SRSF11: variants seen among roughly 807,000 people sequenced by gnomAD.
SRSF11 encodes the protein serine and arginine rich splicing factor 11, also known as serine/arginine-rich splicing factor 11.
Under a neutral mutation model 56.0 loss-of-function variants are expected in SRSF11, and 9 were observed. The ratio of observed to expected loss-of-function variants is 0.16; its 90% CI spans 0.10 to 0.28. The LOEUF (loss-of-function observed/expected upper bound fraction) is 0.28. Ranked by LOEUF, SRSF11 falls within the 10% of genes least tolerant of loss-of-function variation. The pLI, the probability that SRSF11 is intolerant of heterozygous loss-of-function variation, is 1.00. For synonymous variants in SRSF11, 222 were observed against 215.3 expected (o/e 1.03, Z -0.27); for missense variants, 421 against 600.7 (o/e 0.70, Z 3.13).
In SRSF11 at chr1:70,221,750, T is replaced by C. The variant is rs1670676529; in HGVS notation, c.114T>C (p.Thr38=). 6.2e-7 allele frequency: 1 copy of C among 1,614,138 alleles called. No individual in the cohort carries two copies. Among genetic ancestry groups the C allele is most frequent in the Non-Finnish European group, 8.5e-7 (1 of 1,180,008 alleles). Residue 38 remains threonine (T), a synonymous_variant, in exon 1 of 12, where the codon ACT becomes ACC. Transcript: ENST00000370949. ...GCGGCACCGAGGTAATCCAGGTGAC[T>C]AATGTCTCCCCGAGCGCTAGCTCTG... ...GGGGTEVIQV[T]NVSPSASSEQ...
At chr1:70,214,602 AAT>A (rs1669841550) in intron 1 of SRSF11, among the ~76,000 whole-genome samples, 1 of 152,156 alleles carries the variant, frequency 6.6e-6, no homozygotes. Context: ...ATTGAAAGAC[AAT>A]ATATATTAAA....
At position 70,209,740 on chromosome 1, in the gene SRSF11, C is replaced by CCTT. The variant is rs1669373589; in HGVS notation, c.-26+3960_-26+3961insCTT. ...AGCTGGGACTAAAAGCACCTCGCTT[C>CCTT]TTTTTTTTTTTTTTTTTTTTTTTTT... On this transcript the variant is annotated intron_variant, in intron 1 of 12. Coordinates refer to the SRSF11 transcript ENST00000370950. 8.4e-4 allele frequency among the ~76,000 whole-genome samples: 23 copies of CCTT among 27,476 alleles called. 1 individual carries two copies. The highest frequency in any genetic ancestry group is 3.1e-3 in the African/African-American group (21 of 6,830). 18.0% of individuals were successfully genotyped at this position (27,476 alleles called of 152,430 possible).
At chr1:70,231,994 T>C in intron 2 of SRSF11, 1 of 1,525,034 alleles carries the variant, frequency 6.6e-7, no homozygotes, top group Middle Eastern at 1.7e-4. Flanking sequence ...ATCTTGGCAG[T>C]GTTAACAAAA....
intron 1 of SRSF11, among the ~76,000 whole-genome samples, chr1:70,212,690 G>A (rs1182820256): frequency 6.6e-6 from 1 of 152,166 alleles, no homozygotes; most frequent in Non-Finnish European, 1.5e-5. Flanking sequence ...TAACTTAACT[G>A]TTTATAGGGT....
At position 70,221,444 on chromosome 1, in the gene SRSF11, T is replaced by G. The variant is rs1468901279; in HGVS notation, c.-193T>G. ...TTCTCGTGGTCTCGAGCTCGCGCGCTCTCATCCCCTCCCCCGCGGCGTGCG... is the reference window on the plus strand; with the variant it reads ...TTCTCGTGGTCTCGAGCTCGCGCGCGCTCATCCCCTCCCCCGCGGCGTGCG... On this transcript the variant is annotated 5_prime_UTR_variant, in exon 1 of 12. Transcript: ENST00000370949. 1 of 746,672 alleles carries G rather than the reference T, an allele frequency of 1.3e-6. No individual in the cohort carries two copies. Among genetic ancestry groups the G allele is most frequent in the Non-Finnish European group, 2.1e-6 (1 of 471,876 alleles). 46.3% of individuals were successfully genotyped at this position (746,672 alleles called of 1,614,324 possible). A position where few individuals can be genotyped will look rare whatever the true frequency, so the allele number is the denominator to read the frequency against.
intron 1 of SRSF11, among the ~76,000 whole-genome samples, chr1:70,209,915 C>G (rs1225932471): frequency 6.6e-6 from 1 of 151,548 alleles, no homozygotes; most frequent in Non-Finnish European, 1.5e-5. Flanking sequence ...ACATTCTTTT[C>G]TTTTCAGTGA....
chr1:70,220,271 G>A (rs1670408336), upstream of SRSF11, among the ~76,000 whole-genome samples: 1 of 152,234 alleles, frequency 6.6e-6, no homozygotes, highest in African/African-American at 2.4e-5. Context: ...GATAAGATGA[G>A]TGATGTTATT....
chr1:70,207,247 C>T (rs1669131100), intron 1 of SRSF11, among the ~76,000 whole-genome samples: 1 of 152,074 alleles, frequency 6.6e-6, no homozygotes, highest in South Asian at 2.1e-4. Flanking sequence ...AATGAGGTCC[C>T]TGGTCAGCTT....
intron 4 of SRSF11, 77 bp downstream of exon 4, chr1:70,234,865 A>C: frequency 8.1e-7 from 1 of 1,241,040 alleles, no homozygotes; most frequent in Non-Finnish European, 1.1e-6. Flanking sequence ...TTGCATTTCA[A>C]GAGCAGAAGC....
At chr1:70,209,964 T>C (rs1669409891) in intron 1 of SRSF11, among the ~76,000 whole-genome samples, 1 of 152,028 alleles carries the variant, frequency 6.6e-6, no homozygotes, top group African/African-American at 2.4e-5. Flanking sequence ...TAGTTTCAAA[T>C]GTGGCTTTGA....
At chr1:70,222,640 T>C (rs1366383771) in intron 1 of SRSF11, 1 of 152,144 alleles carries the variant, frequency 6.6e-6, no homozygotes, top group East Asian at 1.9e-4. Context: ...AAACAGACAA[T>C]TGGAATAATA....
intron 5 of SRSF11, among the ~76,000 whole-genome samples, chr1:70,236,332 C>CTTT (rs554617176): frequency 1.4e-4 from 19 of 133,856 alleles, no homozygotes; most frequent in South Asian, 2.4e-4. Flanking sequence ...CTTTCTTTTT[C>CTTT]TTTTTTTTTT....
intron 6 of SRSF11, 22 bp downstream of exon 6, chr1:70,237,574 T>C (rs1216786392): frequency 6.2e-7 from 1 of 1,606,182 alleles, no homozygotes; most frequent in Admixed American, 1.7e-5. Context: ...TTATGCAATT[T>C]TGTTGTGTGA....
intron 2 of SRSF11, chr1:70,229,918 T>C: frequency 1.0e-6 from 1 of 985,428 alleles, no homozygotes; most frequent in Non-Finnish European, 1.2e-6. Context: ...TTTGAGTTAG[T>C]GTGTTTTGGT....
At chr1:70,237,886 T>C (rs186050186) in intron 6 of SRSF11, among the ~76,000 whole-genome samples, 1 of 152,238 alleles carries the variant, frequency 6.6e-6, no homozygotes, top group African/African-American at 2.4e-5. Context: ...ATTTATGTTT[T>C]TCTAAGTTGG....
In SRSF11 at chr1:70,243,278, A is replaced by G. The variant is rs151256687; in HGVS notation, c.801-1406A>G. ...CCACATATAGGAAAACTCAGTCCTGACTATACATGGGTTCCTCATCCTTCA... is the reference window on the plus strand; with the variant it reads ...CCACATATAGGAAAACTCAGTCCTGGCTATACATGGGTTCCTCATCCTTCA... On this transcript the variant is annotated intron_variant, in intron 7 of 11. Transcript: ENST00000370949. Among the ~76,000 whole-genome samples the G allele has an allele frequency of 5.8e-3, 790 of 136,930 alleles. 8 individuals are homozygous for G. Among genetic ancestry groups the G allele is most frequent in the Non-Finnish European group, 6.0e-3 (390 of 65,460 alleles). The allele number at this position is 136,930 out of a possible 152,430, so 89.8% of individuals were successfully genotyped here.
intron 2 of SRSF11, chr1:70,231,998 A>T: frequency 6.5e-7 from 1 of 1,527,504 alleles, no homozygotes; most frequent in Non-Finnish European, 8.8e-7. Context: ...TGGCAGTGTT[A>T]ACAAAAAAGT....
In SRSF11 at chr1:70,250,028, C is replaced by A; in HGVS notation, c.1099C>A (p.Arg367Ser). 6.2e-7 allele frequency: 1 copy of A among 1,613,602 alleles called. No individual in the cohort carries two copies. The highest frequency in any genetic ancestry group is 8.5e-7 in the Non-Finnish European group (1 of 1,179,590). The change falls in exon 10 of 12, where the codon CGC (arginine) becomes AGC (serine). Residue 367 changes from arginine to serine, a missense_variant. Around this residue, in one of 2 missense-constraint regions of SRSF11, gnomAD observed 253 missense variants for 305.8 expected, o/e 0.83. Coordinates refer to ENST00000370949, the MANE Select transcript of SRSF11 (RefSeq NM_001350605.2). ...KPRSPKRKLSRSPSPRRHKKE... is the reference protein window; with the variant it reads ...KPRSPKRKLSSSPSPRRHKKE... ...TCGGTCTCCTAAAAGAAAATTGTCC[C>A]GCTCACCATCCCCTAGGAGGTAAGA...
At chr1:70,246,737 A>C in intron 8 of SRSF11, 81 bp from the exon 9 acceptor site, 1 of 788,838 alleles carries the variant, frequency 1.3e-6, no homozygotes, top group Non-Finnish European at 2.1e-6. Flanking sequence ...AGATCTGATT[A>C]TATTTTTGTG....
Sources: allele counts gnomAD v4.1 joint callset (sites outside exome capture counted in the v4.1 genomes callset), GRCh38; gene constraint gnomAD v4.1.1; regional missense constraint gnomAD v4.1.1; transcripts MANE v1.5; gene names NCBI Gene and HGNC (gene_info 2026-07-23, HGNC 2026-07-21).